Variants in UNC5C observed in about 807,000 individuals in gnomAD.
The protein encoded by UNC5C is unc-5 netrin receptor C.
A neutral mutation model predicts 99.8 loss-of-function variants in UNC5C; 47 were observed. That is an observed-to-expected ratio of 0.47 (90% CI 0.37 to 0.60). The LOEUF (loss-of-function observed/expected upper bound fraction) is 0.60. Among genes scored for constraint, UNC5C ranks in the 20% least tolerant of loss-of-function variants. The pLI, the probability that UNC5C is intolerant of heterozygous loss-of-function variation, is 0.00. For missense variants in UNC5C, 1,062 were observed against 1,165.9 expected, an observed-to-expected ratio of 0.91 and a Z score of 1.30; for synonymous variants, 487 against 452.2, an observed-to-expected ratio of 1.08 and a Z score of -0.98.
chr4:95,403,381 G>A lies in UNC5C; in HGVS notation c.125-67750C>T, dbSNP rs151153126. Among the ~76,000 whole-genome samples the A allele has an allele frequency of 5.6e-3, 846 of 152,250 alleles. 11 individuals are homozygous for A. The highest frequency in any genetic ancestry group is 0.019 in the African/African-American group (779 of 41,560). ...CCCCGCTGCTGCTCAGTAGCTGGGA[G>A]TCACACTTGGGAACCAGCTCAGTGT... On this transcript the variant is annotated intron_variant, in intron 1 of 15. Coordinates refer to ENST00000453304, the MANE Select transcript of UNC5C (RefSeq NM_003728.4).
chr4:95,474,919 A>T (rs1223180558), intron 1 of UNC5C, among the ~76,000 whole-genome samples: 3 of 152,084 alleles, frequency 2.0e-5, no homozygotes, highest in Non-Finnish European at 2.9e-5. Flanking sequence ...CTCTTTCCAC[A>T]GTTTTAAGAC....
intron 2 of UNC5C, among the ~76,000 whole-genome samples, chr4:95,316,051 G>A (rs1462076805): frequency 1.3e-5 from 2 of 152,092 alleles, no homozygotes; most frequent in Non-Finnish European, 2.9e-5. Flanking sequence ...GTTAATAAAT[G>A]TCCTTGGAAA....
At chr4:95,398,330 G>T (rs193147102) in intron 1 of UNC5C, among the ~76,000 whole-genome samples, 1 of 152,082 alleles carries the variant, frequency 6.6e-6, no homozygotes, top group East Asian at 1.9e-4. Flanking sequence ...ATCATCCCTT[G>T]ATCCTGACCC....
chr4:95,258,648 C>T (rs1740096405), intron 4 of UNC5C, among the ~76,000 whole-genome samples: 1 of 150,376 alleles, frequency 6.6e-6, no homozygotes, highest in East Asian at 2.0e-4. Flanking sequence ...TTAACAGGTA[C>T]TAAAAACAGT....
chr4:95,490,163 C>T (rs265014), intron 1 of UNC5C, among the ~76,000 whole-genome samples: 138,132 of 151,580 alleles, frequency 0.91, 63,000 homozygotes, highest in Non-Finnish European at 0.92. Flanking sequence ...AAGCGGAACA[C>T]GATTTCATGG....
intron 1 of UNC5C, among the ~76,000 whole-genome samples, chr4:95,417,301 G>A (rs1477617459): frequency 1.3e-5 from 2 of 152,182 alleles, no homozygotes; most frequent in Non-Finnish European, 2.9e-5. Context: ...AGCCCCGTAA[G>A]TCCTGAATGT....
chr4:95,433,939 T>C (rs1746703083), intron 1 of UNC5C, among the ~76,000 whole-genome samples: 1 of 152,084 alleles, frequency 6.6e-6, no homozygotes, highest in African/African-American at 2.4e-5. Flanking sequence ...ATCCTTCCTT[T>C]TGTCCCTCCT....
intron 1 of UNC5C, among the ~76,000 whole-genome samples, chr4:95,410,196 G>GT (rs1745939495): frequency 6.6e-6 from 1 of 152,128 alleles, no homozygotes; most frequent in South Asian, 2.1e-4. Context: ...TTTCAGAGAA[G>GT]TTAGGCACTG....
intron 1 of UNC5C, among the ~76,000 whole-genome samples, chr4:95,356,193 C>CAAAAAAAAAAAAAAAAAAAAAAA (rs59097041): frequency 3.4e-5 from 2 of 58,006 alleles, no homozygotes; most frequent in Non-Finnish European, 6.6e-5. Context: ...GACCCTGTAG[C>CAAAAAAAAAAAAAAAAAAAAAAA]AAAAAAAAAA....
intron 1 of UNC5C, among the ~76,000 whole-genome samples, chr4:95,383,302 T>G (rs949696805): frequency 1.3e-5 from 2 of 152,012 alleles, no homozygotes; most frequent in Non-Finnish European, 2.9e-5. Flanking sequence ...TATTTATTGT[T>G]ATACCTCTTT....
chr4:95,393,906 G>A (rs1257683948), intron 1 of UNC5C, among the ~76,000 whole-genome samples: 1 of 147,194 alleles, frequency 6.8e-6, no homozygotes, highest in African/African-American at 2.5e-5. Flanking sequence ...TAGACACAAA[G>A]CCTAGAGGAC....
chr4:95,502,373 A>C (rs1465380974), intron 1 of UNC5C, among the ~76,000 whole-genome samples: 1 of 151,966 alleles, frequency 6.6e-6, no homozygotes, highest in African/African-American at 2.4e-5. Context: ...GGTTCAATCG[A>C]TCCTCCCCTT....
At chr4:95,427,864 T>A (rs1031948346) in intron 1 of UNC5C, among the ~76,000 whole-genome samples, 23 of 152,170 alleles carry the variant, frequency 1.5e-4, no homozygotes, top group Non-Finnish European at 1.5e-5. Context: ...TTTTCCCACA[T>A]CTGTCTCTTT....
intron 1 of UNC5C, among the ~76,000 whole-genome samples, chr4:95,546,749 T>G (rs781187431): frequency 7.9e-5 from 12 of 152,198 alleles, no homozygotes; most frequent in Non-Finnish European, 1.2e-4. Flanking sequence ...CTCTTCTCCC[T>G]TCTTCTTTCA....
chr4:95,201,673 G>A (rs1272412113), intron 12 of UNC5C, among the ~76,000 whole-genome samples: 1 of 151,396 alleles, frequency 6.6e-6, no homozygotes, highest in Non-Finnish European at 1.5e-5. Flanking sequence ...AGGCGATTTC[G>A]GCTCACTGCA....
rs559708856 is a variant in UNC5C at position 95,284,620 on chromosome 4, T to A, written c.491-6258A>T. On this transcript the variant is annotated intron_variant, in intron 3 of 15. Transcript: ENST00000453304. The stretch of plus-strand genomic sequence containing the variant: ...AAGTGGGTTACAGAAATTTGGTATT[T>A]AAAAAAATTAGCAAATTCTTTGTAT... 4.4e-3 allele frequency among the ~76,000 whole-genome samples: 670 copies of A among 152,170 alleles called. 4 individuals carry two copies. Among genetic ancestry groups the A allele is most frequent in the South Asian group, 6.8e-3 (33 of 4,824 alleles).
At position 95,325,514 on chromosome 4, in the gene UNC5C, TG is replaced by T. The variant is rs78794359; in HGVS notation, c.346+9895del. Among the ~76,000 whole-genome samples the T allele has an allele frequency of 6.0e-3, 907 of 152,258 alleles. 22 individuals are homozygous for T. The highest frequency in any genetic ancestry group is 0.049 in the Admixed American group (748 of 15,300). ...AGGATGAAGCTGAGATTTTAATTTT[TG>T]GTGCCTGGATGGAGAGAAGAGGTAT... On this transcript the variant is annotated intron_variant, in intron 2 of 15. Coordinates refer to ENST00000453304, the MANE Select transcript of UNC5C (RefSeq NM_003728.4).
chr4:95,276,230 AT>A (rs1269853449), intron 4 of UNC5C, among the ~76,000 whole-genome samples: 1 of 152,182 alleles, frequency 6.6e-6, no homozygotes, highest in Non-Finnish European at 1.5e-5. Context: ...CTACACAGGA[AT>A]TTATTAGCCT....
chr4:95,525,031 C>T (rs1233409992), intron 1 of UNC5C, among the ~76,000 whole-genome samples: 1 of 152,054 alleles, frequency 6.6e-6, no homozygotes, highest in East Asian at 1.9e-4. Flanking sequence ...GTCACCGAAG[C>T]CTGGTTGAAT....
Sources: gnomAD v4.1 joint callset for allele counts (sites outside exome capture counted in the v4.1 genomes callset) on GRCh38, gnomAD v4.1.1 for gene constraint, MANE v1.5 for transcripts, NCBI Gene and HGNC (gene_info 2026-07-23, HGNC 2026-07-21) for gene names.